PLCG2: variants seen among roughly 807,000 people sequenced by gnomAD.
PLCG2 encodes the protein phospholipase C gamma 2, also known as 1-phosphatidylinositol 4,5-bisphosphate phosphodiesterase gamma-2.
In PLCG2, 69 loss-of-function variants were observed where a neutral mutation model predicts 175.6. That is an observed-to-expected ratio of 0.39 (90% CI 0.32 to 0.48). The LOEUF (loss-of-function observed/expected upper bound fraction) is 0.48, where lower values mean the gene tolerates loss of function less well. PLCG2 is among the 20% of genes least tolerant of loss of function. PLCG2 has a pLI of 0.91. For synonymous variants in PLCG2, 827 were observed against 624.0 expected (o/e 1.33, Z -4.85); for missense variants, 1,798 against 1,650.9 (o/e 1.09, Z -1.54).
chr16:81,829,134 A>G (rs1207629699), intron 2 of PLCG2, among the ~76,000 whole-genome samples: 1 of 152,046 alleles, frequency 6.6e-6, no homozygotes, highest in Admixed American at 6.6e-5. Context: ...TTTGAGACGG[A>G]GTCTGGCTCT....
chr16:81,850,083 C>T lies in PLCG2; in HGVS notation c.194-4361C>T, dbSNP rs548202534. ...AAAACAAAAGTAAACAAGGAGACTC[C>T]GTAGGATTGAAGATGTAATGACATA... On this transcript the variant is annotated intron_variant, in intron 2 of 32. Coordinates refer to ENST00000564138, the MANE Select transcript of PLCG2 (RefSeq NM_002661.5). Among the ~76,000 whole-genome samples the T allele has an allele frequency of 1.4e-4, 21 of 152,170 alleles. No individual in the cohort carries two copies. In the South Asian group the frequency reaches 3.3e-3, roughly 24 times the overall value.
chr16:81,938,751 G>T (rs753254325), intron 28 of PLCG2, 50 bp from the exon 29 acceptor site: 1 of 1,095,502 alleles, frequency 9.1e-7, no homozygotes, highest in East Asian at 2.4e-5. Flanking sequence ...ACGCTAGGCT[G>T]CCTGTTCAGG....
At chr16:81,768,135 A>G (rs1280825470) in intron 2 of PLCG2, among the ~76,000 whole-genome samples, 1 of 152,086 alleles carries the variant, frequency 6.6e-6, no homozygotes, top group African/African-American at 2.4e-5. Flanking sequence ...CTCGGCCTCC[A>G]AAAGTGCTGG....
intron 2 of PLCG2, among the ~76,000 whole-genome samples, chr16:81,795,515 G>A (rs547341950): frequency 1.3e-5 from 2 of 152,334 alleles, no homozygotes; most frequent in South Asian, 2.1e-4. Flanking sequence ...GGGATTGGGG[G>A]TGGGACTCTG....
chr16:81,910,033 T>C (rs547151963), intron 17 of PLCG2, among the ~76,000 whole-genome samples: 1 of 150,984 alleles, frequency 6.6e-6, no homozygotes, highest in South Asian at 2.1e-4. Flanking sequence ...GGGAAGTAGG[T>C]AGAATGTTCT....
Position 81,883,678 on chromosome 16 carries a change from C to T in PLCG2, c.765+337C>T, listed in dbSNP as rs748782105. Reference sequence around the variant, plus strand: ...CCTCACCTGGCTGGGTGCACCTTTTCTGGCCATCATCTCAGGTGTCACTGC... The same window carrying T: ...CCTCACCTGGCTGGGTGCACCTTTTTTGGCCATCATCTCAGGTGTCACTGC... On this transcript the variant is annotated intron_variant, in intron 9 of 32. Transcript: ENST00000564138. 1.0e-3 allele frequency: 366 copies of T among 350,442 alleles called. 2 individuals are homozygous for T. Among genetic ancestry groups the T allele is most frequent in the Middle Eastern group, 7.2e-3 (8 of 1,112 alleles). The allele number at this position is 350,442 out of a possible 1,614,324, so 21.7% of individuals were successfully genotyped here.
chr16:81,760,748 T>TAAAAAAA (rs1224811220), intron 2 of PLCG2, among the ~76,000 whole-genome samples: 19 of 87,848 alleles, frequency 2.2e-4, no homozygotes, highest in East Asian at 6.1e-4. Flanking sequence ...CCGTCTCTAT[T>TAAAAAAA]AAAAAAAAAA....
intron 24 of PLCG2, chr16:81,928,926 T>G (rs35401283): frequency 1.5e-5 from 5 of 335,078 alleles, no homozygotes; most frequent in African/African-American, 1.0e-4. Context: ...GTGTTTCCCA[T>G]GCGTTGCGAA....
intron 24 of PLCG2, among the ~76,000 whole-genome samples, chr16:81,929,854 T>G (rs1173050519): frequency 6.6e-6 from 1 of 152,250 alleles, no homozygotes; most frequent in Non-Finnish European, 1.5e-5. Context: ...GGGTGCAGGA[T>G]CCCTGCATCC....
At chr16:81,883,087 T>C (rs925993851) in intron 8 of PLCG2, among the ~76,000 whole-genome samples, 182 bp from the exon 9 acceptor site, 1 of 152,146 alleles carries the variant, frequency 6.6e-6, no homozygotes, top group East Asian at 1.9e-4. Context: ...CTCTGAATCC[T>C]TGTAGGTGAG....
intron 19 of PLCG2, among the ~76,000 whole-genome samples, chr16:81,913,220 C>T (rs924761537): frequency 6.6e-6 from 1 of 152,180 alleles, no homozygotes; most frequent in African/African-American, 2.4e-5. Context: ...TGACAAGGAG[C>T]CGAGGAGTGA....
chr16:81,803,615 T>C (rs1911851866), intron 2 of PLCG2, among the ~76,000 whole-genome samples: 1 of 146,616 alleles, frequency 6.8e-6, no homozygotes, highest in Admixed American at 7.0e-5. Flanking sequence ...TTTTCTTTTC[T>C]TTTCCTTTCT....
At position 81,946,252 on chromosome 16, in the gene PLCG2, C is replaced by T. The variant is rs764693069; in HGVS notation, c.3559C>T (p.Arg1187Trp). 4 of 1,612,584 alleles carry T rather than the reference C, an allele frequency of 2.5e-6. No individual in the cohort carries two copies. Among genetic ancestry groups the T allele is most frequent in the African/African-American group, 1.3e-5 (1 of 74,858 alleles). ...TTCCCTCCTGGTTTTCTGTGAGATG[C>T]GGCCAGTCCTGGTGAGTGGAGAAAC... ...LASLLVFCEMRPVLESEEELY... is the reference protein window; with the variant it reads ...LASLLVFCEMWPVLESEEELY... Residue 1187 changes from arginine to tryptophan, a missense_variant, in exon 31 of 33, where the codon CGG (arginine) becomes TGG (tryptophan). Coordinates refer to ENST00000564138, the MANE Select transcript of PLCG2 (RefSeq NM_002661.5).
intron 19 of PLCG2, among the ~76,000 whole-genome samples, chr16:81,915,910 C>G (rs933287105): frequency 1.3e-5 from 2 of 152,178 alleles, no homozygotes; most frequent in Non-Finnish European, 2.9e-5. Flanking sequence ...GCTAAAGCCC[C>G]CTGTGGTCCT....
At chr16:81,829,495 G>T (rs1366732557) in intron 2 of PLCG2, among the ~76,000 whole-genome samples, 1 of 152,220 alleles carries the variant, frequency 6.6e-6, no homozygotes, top group South Asian at 2.1e-4. Flanking sequence ...TGGGATTACA[G>T]GTGTGAGCCA....
chr16:81,910,560 A>G lies in PLCG2; in HGVS notation c.1774A>G (p.Met592Val), dbSNP rs887419029. Reference sequence around the variant, plus strand: ...CCAGCACTGCCGGATCCGCTCCACCATGGAGGGCGGGACCCTGAAATACTA... The same window carrying G: ...CCAGCACTGCCGGATCCGCTCCACCGTGGAGGGCGGGACCCTGAAATACTA... ...RVQHCRIRST[M>V]EGGTLKYYLT... The change falls in exon 18 of 33, where the codon ATG becomes GTG. Residue 592 changes from methionine to valine, a missense_variant. Met to Val is a conservative substitution (Grantham distance 21, BLOSUM62 1). Transcript: ENST00000564138. The G allele has an allele frequency of 2.1e-5, 34 of 1,614,092 alleles. No individual in the cohort carries two copies. Among genetic ancestry groups the G allele is most frequent in the Non-Finnish European group, 2.8e-5 (33 of 1,179,986 alleles).
At chr16:81,851,899 A>C (rs1906434565) in intron 2 of PLCG2, among the ~76,000 whole-genome samples, 1 of 152,122 alleles carries the variant, frequency 6.6e-6, no homozygotes. Flanking sequence ...AGTGCATCCC[A>C]TCCCCTCTCC....
chr16:81,889,538 G>T (rs777732511), intron 10 of PLCG2: 87 of 307,128 alleles, frequency 2.8e-4, no homozygotes, highest in Middle Eastern at 9.0e-4. Flanking sequence ...AATTGCAATA[G>T]GGAAAGAGCT....
rs1452665584 is a variant in PLCG2, at chr16:81,957,017, GGCCAGGCATGGTGGCTC to G, written c.3755+139_3755+155del. 70 of 530,540 alleles carry G rather than the reference GGCCAGGCATGGTGGCTC, an allele frequency of 1.3e-4. No homozygotes were observed. The African/African-American group carries it at 1.4e-3, about 11-fold the overall frequency. 32.9% of individuals were successfully genotyped at this position (530,540 alleles called of 1,614,324 possible). A position where few individuals can be genotyped will look rare whatever the true frequency, so the allele number is the denominator to read the frequency against. ...CCTTGGCCGGGCATGGTGGCTCACA[GGCCAGGCATGGTGGCTC>G]ATGCCTGTAATCCCAGCACTTTGGG... is the stretch of plus-strand genomic sequence containing the variant. On this transcript the variant is annotated intron_variant, in intron 32 of 32. Coordinates refer to ENST00000564138, the MANE Select transcript of PLCG2 (RefSeq NM_002661.5).
Sources: gnomAD v4.1 joint callset for allele counts (sites outside exome capture counted in the v4.1 genomes callset) on GRCh38, gnomAD v4.1.1 for gene constraint, MANE v1.5 for transcripts, NCBI Gene and HGNC (gene_info 2026-07-23, HGNC 2026-07-21) for gene names.